The following MCOLN3 variants were observed in gnomAD, a reference collection of about 807,000 sequenced individuals.
MCOLN3 encodes the protein mucolipin TRP cation channel 3.
A neutral mutation model predicts 69.4 loss-of-function variants in MCOLN3; 62 were observed. The observed-to-expected ratio is 0.89, with a 90% confidence interval of 0.73 to 1.10. The LOEUF is 1.10. MCOLN3 is among the 50% of genes least tolerant of loss of function. The pLI is 0.00. For synonymous variants in MCOLN3, 183 were observed against 217.0 expected, an observed-to-expected ratio of 0.84 and a Z score of 1.38; for missense variants, 564 against 656.4, an observed-to-expected ratio of 0.86 and a Z score of 1.54.
rs557698317 is a variant in MCOLN3, at chr1:85,040,544, T to C, written c.396+466A>G. On this transcript the variant is annotated intron_variant, in intron 3 of 12. Coordinates refer to ENST00000370589, the MANE Select transcript of MCOLN3 (RefSeq NM_018298.11). ...TTTTTTGTTTGGCAGTTAGTCAATG[T>C]CACAATAAAATCATTGTCATGTATG... 2.0e-5 allele frequency among the ~76,000 whole-genome samples: 3 copies of C among 152,326 alleles called. No homozygotes were observed. In the East Asian group the frequency reaches 5.8e-4, roughly 29 times the overall value.
intron 9 of MCOLN3, chr1:85,025,669 C>T (rs186280210): frequency 5.4e-4 from 166 of 304,932 alleles, no homozygotes; most frequent in African/African-American, 3.4e-3. Context: ...CAGGCCCCGC[C>T]GAAGAGTCTG....
chr1:85,044,622 G>T (rs1375451884), intron 2 of MCOLN3, among the ~76,000 whole-genome samples: 2 of 152,180 alleles, frequency 1.3e-5, no homozygotes, highest in Non-Finnish European at 1.5e-5. Context: ...AAGAGGTCCT[G>T]TGTTTCACTA....
intron 1 of MCOLN3, among the ~76,000 whole-genome samples, chr1:85,046,549 C>T (rs141686013): frequency 2.6e-5 from 4 of 152,160 alleles, no homozygotes; most frequent in African/African-American, 9.7e-5. Flanking sequence ...TTAATAATAA[C>T]TTGTACTCAG....
chr1:85,021,306 T>G (rs1651927774), intron 11 of MCOLN3, 30 bp from the exon 12 acceptor site: 1 of 1,569,004 alleles, frequency 6.4e-7, no homozygotes, highest in Non-Finnish European at 8.7e-7. Context: ...AAGTTCACTT[T>G]ATTCCATGTT....
At chr1:85,021,346 A>G in intron 11 of MCOLN3, 70 bp from the exon 12 acceptor site, 1 of 1,300,112 alleles carries the variant, frequency 7.7e-7, no homozygotes, top group South Asian at 1.3e-5. Flanking sequence ...TGTTCATGAC[A>G]TTGTATTAAA....
intron 3 of MCOLN3, 148 bp downstream of exon 3, chr1:85,040,862 A>T (rs1038619078): frequency 1.5e-5 from 11 of 740,592 alleles, no homozygotes; most frequent in African/African-American, 3.8e-5. Flanking sequence ...CAATATTTTT[A>T]AAAAATTAAA....
At chr1:85,031,502 C>T (rs1233940566) in intron 6 of MCOLN3, among the ~76,000 whole-genome samples, 6 of 151,936 alleles carry the variant, frequency 3.9e-5, no homozygotes, top group Admixed American at 3.3e-4. Context: ...TCACCTGTAC[C>T]CCATAAATAC....
chr1:85,041,192 A>C lies in MCOLN3; in HGVS notation c.229-15T>G. 3 of 1,606,916 alleles carry C rather than the reference A, an allele frequency of 1.9e-6. No individual in the cohort carries two copies. The highest frequency in any genetic ancestry group is 2.5e-6 in the Non-Finnish European group (3 of 1,177,040). ...AATAAGACCAGCTTAAAAGAAAAAAAAGAAAAGGTAAGAGGGTGGAAAATG... is the reference window on the plus strand; with the variant it reads ...AATAAGACCAGCTTAAAAGAAAAAACAGAAAAGGTAAGAGGGTGGAAAATG... On this transcript the variant is annotated splice_polypyrimidine_tract_variant and intron_variant, in intron 2 of 12. Coordinates refer to ENST00000370589, the MANE Select transcript of MCOLN3 (RefSeq NM_018298.11).
chr1:85,037,749 A>G (rs1169616113), intron 3 of MCOLN3, among the ~76,000 whole-genome samples: 1 of 152,152 alleles, frequency 6.6e-6, no homozygotes, highest in African/African-American at 2.4e-5. Flanking sequence ...CGGGACAGAA[A>G]TGTGGTATGA....
intron 1 of MCOLN3, among the ~76,000 whole-genome samples, chr1:85,046,813 C>A (rs1050832985): frequency 2.6e-5 from 4 of 152,110 alleles, no homozygotes. Context: ...TACTGTATGG[C>A]AAATGCAGTA....
rs79389367 is a variant in MCOLN3 at position 85,045,056 on chromosome 1, A to T, written c.228+77T>A. ...TTTTGCATATAGTTAAAAGTTATTT[A>T]AAAAAAAAACCACTGTCCATAGTTA... On this transcript the variant is annotated intron_variant, in intron 2 of 12. Coordinates refer to ENST00000370589, the MANE Select transcript of MCOLN3 (RefSeq NM_018298.11). The T allele has an allele frequency of 1.3e-3, 1,315 of 1,024,944 alleles. 12 individuals carry two copies. The African/African-American group carries it at 0.017, about 13-fold the overall frequency. The allele number at this position is 1,024,944 out of a possible 1,614,324, so 63.5% of individuals were successfully genotyped here. A position where few individuals can be genotyped will look rare whatever the true frequency, so the allele number is the denominator to read the frequency against.
At chr1:85,029,309 A>G (rs1652389727) in intron 6 of MCOLN3, 104 bp from the exon 7 acceptor site, 1 of 678,650 alleles carries the variant, frequency 1.5e-6, no homozygotes, top group African/African-American at 1.8e-5. Flanking sequence ...CAGGAGACCC[A>G]GATTCTCAAC....
intron 2 of MCOLN3, among the ~76,000 whole-genome samples, chr1:85,044,536 A>G (rs1284671627): frequency 6.6e-6 from 1 of 152,250 alleles, no homozygotes; most frequent in Non-Finnish European, 1.5e-5. Context: ...ATCACAAAAT[A>G]TGGTTCCCCC....
intron 1 of MCOLN3, among the ~76,000 whole-genome samples, chr1:85,045,811 T>G (rs1653320382): frequency 6.6e-6 from 1 of 152,152 alleles, no homozygotes; most frequent in African/African-American, 2.4e-5. Flanking sequence ...TTTCACAGAT[T>G]ATCAAAAAAT....
In MCOLN3 at chr1:85,045,231, A is replaced by T. The variant is rs1382408767; in HGVS notation, c.130T>A (p.Phe44Ile). 1.9e-6 allele frequency: 3 copies of T among 1,613,992 alleles called. No homozygotes were observed. The African/African-American group carries it at 4.0e-5, about 22-fold the overall frequency. The stretch of plus-strand genomic sequence containing the variant: ...TTCTCACAGGGATTCATGAAAAAAA[A>T]TTTGAGTTTTCGCCTCATCTGGTCT... ...LEDQMRRKLK[F>I]FFMNPCEKFW... The change falls in exon 2 of 13, where the codon TTT becomes ATT. Residue 44 changes from phenylalanine (F) to isoleucine (I), a missense_variant. Transcript: ENST00000370589.
At chr1:85,030,118 A>G (rs146119524) in intron 6 of MCOLN3, among the ~76,000 whole-genome samples, 1 of 152,344 alleles carries the variant, frequency 6.6e-6, no homozygotes, top group Admixed American at 6.5e-5. Flanking sequence ...GTGTCTGCCC[A>G]TATCCCTAAC....
At chr1:85,042,499 T>G (rs1653121229) in intron 2 of MCOLN3, among the ~76,000 whole-genome samples, 1 of 152,220 alleles carries the variant, frequency 6.6e-6, no homozygotes, top group Non-Finnish European at 1.5e-5. Flanking sequence ...TTTGCATCTG[T>G]TGAAGCTGAT....
intron 11 of MCOLN3, 21 bp from the exon 12 acceptor site, chr1:85,021,297 A>T: frequency 6.3e-7 from 1 of 1,587,470 alleles, no homozygotes; most frequent in Non-Finnish European, 8.6e-7. Context: ...AAAAGAGAAA[A>T]GTTCACTTTA....
intron 9 of MCOLN3, chr1:85,024,746 T>G (rs1268456246): frequency 6.6e-6 from 1 of 152,184 alleles, no homozygotes; most frequent in African/African-American, 2.4e-5. Context: ...TTGGTAAAAA[T>G]AAAGATTTGC....
Sources: gnomAD v4.1 joint callset for allele counts (sites outside exome capture counted in the v4.1 genomes callset) on GRCh38, gnomAD v4.1.1 for gene constraint, MANE v1.5 for transcripts, NCBI Gene and HGNC (gene_info 2026-07-23, HGNC 2026-07-21) for gene names.